SPMIP7: variants seen among roughly 807,000 people sequenced by gnomAD.
SPMIP7 encodes protein SPMIP7.
the SPMIP7 span, among the ~76,000 whole-genome samples, chr7:50,149,204 G>C: frequency 6.6e-6 from 1 of 152,142 alleles, no homozygotes; most frequent in South Asian, 2.1e-4. Flanking sequence ...ATGCCTCTGA[G>C]ATGTCAGTGT....
the SPMIP7 span, among the ~76,000 whole-genome samples, chr7:50,106,485 G>C: frequency 1.3e-5 from 2 of 152,166 alleles, no homozygotes; most frequent in African/African-American, 2.4e-5. Context: ...TCCTGAACTA[G>C]GATGAAGGTG....
chr7:50,143,676 A>ATTTTTTTTTTTTTTTTTTTTTTTTT, the SPMIP7 span, among the ~76,000 whole-genome samples: 1 of 152,178 alleles, frequency 6.6e-6, no homozygotes, highest in Non-Finnish European at 1.5e-5. Context: ...AGTAGTTTTT[A>ATTTTTTTTTTTTTTTTTTTTTTTTT]TTTTTATTGT....
the SPMIP7 span, among the ~76,000 whole-genome samples, chr7:50,111,525 C>A: frequency 3.9e-5 from 6 of 152,130 alleles, no homozygotes; most frequent in East Asian, 1.2e-3. Context: ...GAAGATGGAG[C>A]CTCCATGTTG....
At chr7:50,103,830 T>C in the SPMIP7 span, among the ~76,000 whole-genome samples, 1 of 152,214 alleles carries the variant, frequency 6.6e-6, no homozygotes, top group Non-Finnish European at 1.5e-5. Context: ...ACTTATATGT[T>C]TGTACTTTCC....
the SPMIP7 span, among the ~76,000 whole-genome samples, chr7:50,114,954 T>C: frequency 6.7e-6 from 1 of 149,880 alleles, no homozygotes; most frequent in Non-Finnish European, 1.5e-5. Flanking sequence ...CACTTGAACC[T>C]GGGAGGCAGA....
the SPMIP7 span, among the ~76,000 whole-genome samples, chr7:50,111,075 A>C: frequency 6.9e-6 from 1 of 145,930 alleles, no homozygotes; most frequent in Non-Finnish European, 1.5e-5. Flanking sequence ...ATATATGATA[A>C]AATGTTCTAT....
At chr7:50,139,281 G>T in the SPMIP7 span, among the ~76,000 whole-genome samples, 1 of 150,894 alleles carries the variant, frequency 6.6e-6, no homozygotes, top group African/African-American at 2.4e-5. Context: ...CCCGGGAGAC[G>T]GAGGTTACAG....
At chr7:50,112,394 T>C in the SPMIP7 span, among the ~76,000 whole-genome samples, 5 of 152,218 alleles carry the variant, frequency 3.3e-5, no homozygotes, top group Middle Eastern at 3.4e-3. Flanking sequence ...AAGGAGACTA[T>C]CCTGTGCAAT....
the SPMIP7 span, among the ~76,000 whole-genome samples, chr7:50,127,064 G>A: frequency 1.3e-5 from 2 of 151,932 alleles, no homozygotes; most frequent in Non-Finnish European, 2.9e-5. Flanking sequence ...CAGACACAGA[G>A]ACCAATGGAA....
the SPMIP7 span, among the ~76,000 whole-genome samples, chr7:50,109,820 G>A: frequency 6.6e-6 from 1 of 152,072 alleles, no homozygotes; most frequent in African/African-American, 2.4e-5. Context: ...GGTAAAATAA[G>A]CTGTAATTTT....
the SPMIP7 span, among the ~76,000 whole-genome samples, chr7:50,118,031 A>G: frequency 2.0e-5 from 3 of 152,214 alleles, no homozygotes; most frequent in South Asian, 6.2e-4. Flanking sequence ...GCAGATTTCT[A>G]TGCTAAATCA....
At chr7:50,119,470 T>C in the SPMIP7 span, among the ~76,000 whole-genome samples, 6 of 152,196 alleles carry the variant, frequency 3.9e-5, no homozygotes, top group African/African-American at 1.4e-4. Flanking sequence ...GGACTGTAAT[T>C]TGTGGATGGC....
chr7:50,151,384 C>A, the SPMIP7 span: 3 of 1,256,274 alleles, frequency 2.4e-6, no homozygotes, highest in Non-Finnish European at 1.1e-6. Flanking sequence ...TGCTAGTTAC[C>A]ATGACAATTT....
the SPMIP7 span, among the ~76,000 whole-genome samples, chr7:50,115,950 C>T: frequency 6.6e-6 from 1 of 152,098 alleles, no homozygotes; most frequent in Non-Finnish European, 1.5e-5. Context: ...TCTCTTTTCT[C>T]CTCCTCCTTT....
chr7:50,145,199 G>T, the SPMIP7 span, among the ~76,000 whole-genome samples: 2 of 151,584 alleles, frequency 1.3e-5, no homozygotes, highest in Non-Finnish European at 2.9e-5. Context: ...GGAGGTGAAG[G>T]TTGCAGTGAG....
At chr7:50,105,599 G>C in the SPMIP7 span, among the ~76,000 whole-genome samples, 3 of 152,128 alleles carry the variant, frequency 2.0e-5, no homozygotes, top group African/African-American at 7.2e-5. Context: ...GAAACAGAAA[G>C]GTCATTTAAA....
chr7:50,127,617 C>CTA, the SPMIP7 span, among the ~76,000 whole-genome samples: 6,988 of 142,380 alleles, frequency 0.049, 239 homozygotes, highest in Middle Eastern at 0.12. Flanking sequence ...ATATCTTTTT[C>CTA]TATATATATA....
chr7:50,146,470 GA>G, the SPMIP7 span, among the ~76,000 whole-genome samples: 1 of 152,282 alleles, frequency 6.6e-6, no homozygotes, highest in South Asian at 2.1e-4. Context: ...AACACAGGAG[GA>G]AAGAATATAC....
the SPMIP7 span, among the ~76,000 whole-genome samples, chr7:50,115,665 G>A: frequency 2.6e-5 from 4 of 152,054 alleles, no homozygotes; most frequent in Non-Finnish European, 2.9e-5. Context: ...TATACAAATG[G>A]TTAATACATC....
Sources: gnomAD v4.1 joint callset for allele counts (sites outside exome capture counted in the v4.1 genomes callset) on GRCh38, gnomAD v4.1.1 for gene constraint, MANE v1.5 for transcripts, NCBI Gene and HGNC (gene_info 2026-07-23, HGNC 2026-07-21) for gene names.